Variants in SLC35F4 observed in about 807,000 individuals in gnomAD.
SLC35F4 encodes the protein solute carrier family 35 member F4.
In SLC35F4, 24 loss-of-function variants were observed where a neutral mutation model predicts 44.2. The observed-to-expected ratio is 0.54, with a 90% CI of 0.39 to 0.76. The LOEUF is 0.76. SLC35F4 is among the 30% of genes least tolerant of loss of function. The pLI is 0.00. For missense variants in SLC35F4, 562 were observed against 586.1 expected (o/e 0.96, Z 0.42); for synonymous variants, 238 against 223.6 (o/e 1.06, Z -0.57).
intron 1 of SLC35F4, among the ~76,000 whole-genome samples, chr14:57,763,797 C>T (rs2077177200): frequency 6.6e-6 from 1 of 152,102 alleles, no homozygotes; most frequent in African/African-American, 2.4e-5. Flanking sequence ...TGATATTTCT[C>T]ATCGCATTTA....
At position 57,946,975 on chromosome 14, in the gene SLC35F4, T is replaced by C. The variant is rs1005869191; in HGVS notation, n.282+34938A>G. The stretch of plus-strand genomic sequence containing the variant: ...TTGGCTATGTGGGCTCCTTTTTGGT[T>C]CCATGTGAATTTTAGAGTTGTTTTT... On this transcript the variant is annotated intron_variant and non_coding_transcript_variant, in intron 1 of 1. Coordinates refer to the SLC35F4 transcript ENST00000556568. Among the ~76,000 whole-genome samples the C allele has an allele frequency of 2.6e-5, 4 of 152,272 alleles. No homozygotes were observed. The South Asian group carries it at 8.3e-4, about 32-fold the overall frequency.
intron 1 of SLC35F4, among the ~76,000 whole-genome samples, chr14:57,624,656 A>G (rs2072378349): frequency 6.6e-6 from 1 of 152,214 alleles, no homozygotes; most frequent in African/African-American, 2.4e-5. Flanking sequence ...CAACATATGC[A>G]AATCAATAAA....
At chr14:57,571,683 G>A (rs1017418607) in intron 5 of SLC35F4, among the ~76,000 whole-genome samples, 1 of 152,174 alleles carries the variant, frequency 6.6e-6, no homozygotes, top group African/African-American at 2.4e-5. Flanking sequence ...CTGGAAAGTG[G>A]AAATAAGTAT....
downstream of SLC35F4, among the ~76,000 whole-genome samples, chr14:57,974,274 G>A (rs1292711278): frequency 6.6e-6 from 1 of 152,168 alleles, no homozygotes; most frequent in Non-Finnish European, 1.5e-5. Flanking sequence ...TCTTGGTGCA[G>A]TCAAATTTCT....
intron 1 of SLC35F4, among the ~76,000 whole-genome samples, chr14:57,762,707 G>T (rs2077152865): frequency 6.6e-6 from 1 of 152,084 alleles, no homozygotes; most frequent in Non-Finnish European, 1.5e-5. Flanking sequence ...ATAAAAGGAT[G>T]AGTTCAGCGT....
intron 1 of SLC35F4, among the ~76,000 whole-genome samples, chr14:57,856,161 C>T (rs1595225670): frequency 6.6e-6 from 1 of 152,026 alleles, no homozygotes; most frequent in African/African-American, 2.4e-5. Flanking sequence ...CATGCACCAC[C>T]ATGCTCAGGG....
intron 1 of SLC35F4, among the ~76,000 whole-genome samples, chr14:57,738,530 C>T (rs1830306893): frequency 1.3e-5 from 2 of 151,898 alleles, no homozygotes; most frequent in Admixed American, 1.3e-4. Context: ...GTTCTGGCTT[C>T]CCCATGACTG....
chr14:57,716,793 A>G (rs1257912986), intron 1 of SLC35F4, among the ~76,000 whole-genome samples: 2 of 152,186 alleles, frequency 1.3e-5, no homozygotes, highest in African/African-American at 4.8e-5. Context: ...AATTATAGTC[A>G]TTCTACAGTG....
intron 1 of SLC35F4, among the ~76,000 whole-genome samples, chr14:57,915,588 A>C (rs7145786): frequency 0.26 from 39,168 of 152,042 alleles, 5,187 homozygotes; most frequent in East Asian, 0.41. Flanking sequence ...CACCCGATAT[A>C]CTATTTTATC....
At chr14:57,942,427 T>C (rs1889932221) in intron 1 of SLC35F4, among the ~76,000 whole-genome samples, 1 of 152,236 alleles carries the variant, frequency 6.6e-6, no homozygotes, top group South Asian at 2.1e-4. Context: ...ATTCTTGCTT[T>C]CTTTATTGCC....
intron 6 of SLC35F4, among the ~76,000 whole-genome samples, chr14:57,568,666 A>G (rs953448084): frequency 6.6e-6 from 1 of 152,166 alleles, no homozygotes; most frequent in Non-Finnish European, 1.5e-5. Flanking sequence ...TGACCCAATC[A>G]ATACTCTTGC....
chr14:57,856,169 G>C (rs765830989), intron 1 of SLC35F4, among the ~76,000 whole-genome samples: 4 of 151,968 alleles, frequency 2.6e-5, no homozygotes, highest in Non-Finnish European at 5.9e-5. Context: ...ACCATGCTCA[G>C]GGGGCATGTC....
At chr14:57,871,939 C>T (rs746875738) in intron 1 of SLC35F4, among the ~76,000 whole-genome samples, 7 of 152,178 alleles carry the variant, frequency 4.6e-5, no homozygotes, top group Non-Finnish European at 1.0e-4. Context: ...TCTCTTCGTC[C>T]TTTGTTTTCC....
chr14:57,940,313 C>CA (rs539608934), intron 1 of SLC35F4, among the ~76,000 whole-genome samples: 30 of 151,270 alleles, frequency 2.0e-4, no homozygotes, highest in African/African-American at 5.6e-4. Context: ...TAGATAAATA[C>CA]AAAAAAAAGT....
At chr14:57,626,788 G>A (rs966441915) in intron 1 of SLC35F4, among the ~76,000 whole-genome samples, 3 of 152,092 alleles carry the variant, frequency 2.0e-5, no homozygotes, top group Non-Finnish European at 4.4e-5. Context: ...ATGTTCTCAG[G>A]CAAGAACATC....
chr14:57,644,682 C>A (rs1002388837), intron 1 of SLC35F4, among the ~76,000 whole-genome samples: 5 of 152,128 alleles, frequency 3.3e-5, no homozygotes, highest in Non-Finnish European at 7.4e-5. Flanking sequence ...GACATGAAGT[C>A]CTTGCCCATG....
intron 1 of SLC35F4, among the ~76,000 whole-genome samples, chr14:57,855,439 T>C (rs1343874468): frequency 6.6e-6 from 1 of 152,048 alleles, no homozygotes; most frequent in Admixed American, 6.5e-5. Context: ...TATGAAAAAA[T>C]GCTCACCATC....
At chr14:57,720,456 G>T in intron 1 of SLC35F4, among the ~76,000 whole-genome samples, 1 of 152,072 alleles carries the variant, frequency 6.6e-6, no homozygotes, top group East Asian at 1.9e-4. Flanking sequence ...GGAGCCATTG[G>T]GTTCCAGGCT....
intron 1 of SLC35F4, among the ~76,000 whole-genome samples, chr14:57,667,578 T>C (rs985285363): frequency 6.7e-6 from 1 of 148,452 alleles, no homozygotes; most frequent in Non-Finnish European, 1.5e-5. Flanking sequence ...AGTGAGAACA[T>C]GCAGTGTTTG....
Sources: allele counts gnomAD v4.1 joint callset (sites outside exome capture counted in the v4.1 genomes callset), GRCh38; gene constraint gnomAD v4.1.1; transcripts MANE v1.5; gene names NCBI Gene and HGNC (gene_info 2026-07-23, HGNC 2026-07-21).